PRRC2B: variants seen among roughly 807,000 people sequenced by gnomAD.
PRRC2B encodes protein PRRC2B.
In PRRC2B, 68 loss-of-function variants were observed where a neutral mutation model predicts 242.3. That is an observed-to-expected ratio of 0.28 (90% CI 0.23 to 0.34). PRRC2B has a LOEUF of 0.34. PRRC2B is among the 10% of genes least tolerant of loss of function. The probability of loss-of-function intolerance (pLI) is 1.00; values close to 1 mark genes in which losing one functional copy is unlikely to be tolerated. For missense variants in PRRC2B, 2,835 were observed against 2,954.8 expected (o/e 0.96, Z 0.94); for synonymous variants, 1,228 against 1,173.6 (o/e 1.05, Z -0.95).
At chr9:131,389,915 GTTTTTTTTTTTGT>G (rs1306573730), upstream of PRRC2B, among the ~76,000 whole-genome samples, 11 of 93,446 alleles carry the variant, frequency 1.2e-4, 1 homozygote, top group East Asian at 8.8e-4. Flanking sequence ...GAACATGGTT[GTTTTTTTTTTTGT>G]TTTTTTTTTT....
At chr9:131,397,453 T>G (rs1011557546) in intron 1 of PRRC2B, among the ~76,000 whole-genome samples, 1 of 152,120 alleles carries the variant, frequency 6.6e-6, no homozygotes, top group Non-Finnish European at 1.5e-5. Flanking sequence ...TGTGCTTAGC[T>G]GAGGGATTTT....
chr9:131,485,698 C>G, intron 25 of PRRC2B: 2 of 550,918 alleles, frequency 3.6e-6, no homozygotes, highest in Non-Finnish European at 7.1e-6. Flanking sequence ...ATCCTTCTGA[C>G]CCTCCACTGT....
Position 131,446,481 on chromosome 9 carries a change from A to C in PRRC2B, c.694A>C (p.Ser232Arg). The C allele has an allele frequency of 6.2e-7, 1 of 1,613,928 alleles. No homozygotes were observed. The highest frequency in any genetic ancestry group is 8.5e-7 in the Non-Finnish European group (1 of 1,179,886). ...SLSTSPTELG[S>R]RNSSTGDGAP... is the part of the protein sequence containing the mutation. ...GAGCACCTCCCCAACTGAGCTGGGC[A>C]GCAGGAACTCGAGTACGGGAGATGG... Residue 232 changes from serine (S) to arginine (R), a missense_variant, in exon 7 of 32, where the codon AGC becomes CGC. Ser to Arg is a moderately radical substitution (Grantham distance 110, BLOSUM62 -1). Around this residue, in one of 7 missense-constraint regions of PRRC2B, gnomAD observed 626 missense variants for 685.5 expected, o/e 0.91. Coordinates refer to ENST00000683519, the MANE Select transcript of PRRC2B (RefSeq NM_013318.4). The surrounding 1 kb of genome is among the most constrained non-coding windows in gnomAD (Gnocchi z 4.1).
rs759078561 is a variant in PRRC2B at position 131,485,033 on chromosome 9, C to T, written c.5651C>T (p.Pro1884Leu). 1 of 1,612,512 alleles carries T rather than the reference C, an allele frequency of 6.2e-7. No individual in the cohort carries two copies. Among genetic ancestry groups the T allele is most frequent in the East Asian group, 2.2e-5 (1 of 44,826 alleles). The change falls in exon 25 of 32, where the codon CCT (proline) becomes CTT (leucine). Residue 1884 changes from proline to leucine, a missense_variant. Coordinates refer to ENST00000683519, the MANE Select transcript of PRRC2B (RefSeq NM_013318.4). Reference protein sequence around the residue: ...SPGGAGSGIQPPSSVGASSGV... With the variant: ...SPGGAGSGIQLPSSVGASSGV... ...GGCGGCGCTGGCTCAGGCATCCAGC[C>T]TCCATCCTCTGTGGGTGCCTCCAGC...
At chr9:131,486,307 C>T in intron 26 of PRRC2B, 125 bp downstream of exon 26, 1 of 849,782 alleles carries the variant, frequency 1.2e-6, no homozygotes, top group Middle Eastern at 2.5e-4. Context: ...CATGTGGTGA[C>T]CAGCACCTGG....
At chr9:131,461,108 G>T (rs2966355) in intron 11 of PRRC2B, among the ~76,000 whole-genome samples, 147,633 of 152,284 alleles carry the variant, frequency 0.97, 71,719 homozygotes, top group East Asian at 1. Flanking sequence ...TCTGTGACAG[G>T]GAGAATCTAT....
In PRRC2B at chr9:131,439,148, A is replaced by C. The variant is rs1838472866; in HGVS notation, c.469+87A>C. 6 of 1,139,008 alleles carry C rather than the reference A, an allele frequency of 5.3e-6. No individual in the cohort carries two copies. The South Asian group carries it at 7.9e-5, about 15-fold the overall frequency. The allele number at this position is 1,139,008 out of a possible 1,614,324, so 70.6% of individuals were successfully genotyped here. ...CCAGAATGTCTGGTTGGGTCTAGGCACCCAGAAGCTTTGAGGACTCTCTTC... is the reference window on the plus strand; with the variant it reads ...CCAGAATGTCTGGTTGGGTCTAGGCCCCCAGAAGCTTTGAGGACTCTCTTC... On this transcript the variant is annotated intron_variant, in intron 5 of 31. Transcript: ENST00000683519.
intron 14 of PRRC2B, among the ~76,000 whole-genome samples, chr9:131,472,077 T>C (rs1487484637): frequency 6.6e-6 from 1 of 152,224 alleles, no homozygotes; most frequent in Non-Finnish European, 1.5e-5. Flanking sequence ...TTGTCATTAA[T>C]AGTGCTTTCT....
chr9:131,475,654 A>G lies in PRRC2B; in HGVS notation c.3525A>G (p.Arg1175=). Reference sequence around the variant, plus strand: ...GCACCTTGAAGAAGGGCGACTGCAGAGATTCTTGGCGGTCCAACAAGGGGT... The same window carrying G: ...GCACCTTGAAGAAGGGCGACTGCAGGGATTCTTGGCGGTCCAACAAGGGGT... ...EESTLKKGDC[R]DSWRSNKGCS... Residue 1175 remains arginine (R), a synonymous_variant, in exon 16 of 32, where the codon AGA becomes AGG. Coordinates refer to ENST00000683519, the MANE Select transcript of PRRC2B (RefSeq NM_013318.4). 6.2e-7 allele frequency: 1 copy of G among 1,611,146 alleles called. No homozygotes were observed.
In PRRC2B at chr9:131,455,134, GGAA is replaced by G. The variant is rs763520374; in HGVS notation, c.1184_1186del (p.Glu395del). On this transcript the variant is annotated inframe_deletion, in exon 10 of 32. Coordinates refer to ENST00000683519, the MANE Select transcript of PRRC2B (RefSeq NM_013318.4). ...TGAAGTTCAGTGATGATGAAGAGGA[GGAA>G]GAAGTTGTGAAGGACGGCAGGCCAA... is the stretch of plus-strand genomic sequence containing the variant. 6.2e-6 allele frequency: 10 copies of G among 1,613,722 alleles called. No individual in the cohort carries two copies. In the African/African-American group the frequency reaches 1.2e-4, roughly 19 times the overall value.
intron 5 of PRRC2B, among the ~76,000 whole-genome samples, chr9:131,440,107 A>G (rs925781457): frequency 1.8e-4 from 27 of 152,186 alleles, no homozygotes; most frequent in Admixed American, 9.2e-4. Flanking sequence ...AGATCTCACT[A>G]TGTTGCTCAG....
chr9:131,470,356 A>G (rs551243361), intron 13 of PRRC2B, among the ~76,000 whole-genome samples: 18 of 152,254 alleles, frequency 1.2e-4, no homozygotes, highest in Non-Finnish European at 2.4e-4. Context: ...CTAGTCAAGG[A>G]TGGAAAATGG....
At chr9:131,474,316 G>T in intron 15 of PRRC2B, 138 bp from the exon 16 acceptor site, 4 of 742,116 alleles carry the variant, frequency 5.4e-6, no homozygotes, top group Middle Eastern at 4.0e-4. Context: ...TTTTTGTTTT[G>T]TTTTTCTAGC....
chr9:131,399,513 A>C lies in PRRC2B; in HGVS notation c.-52+5250A>C, dbSNP rs377264827. 2.0e-4 allele frequency among the ~76,000 whole-genome samples: 30 copies of C among 152,130 alleles called. No individual in the cohort carries two copies. The East Asian group carries it at 5.8e-3, about 29-fold the overall frequency. ...AGAATGGCATGAACCCGGGAGGCGGAGTTTGCAGTGAGCCGAGATCACGAC... is the reference window on the plus strand; with the variant it reads ...AGAATGGCATGAACCCGGGAGGCGGCGTTTGCAGTGAGCCGAGATCACGAC... On this transcript the variant is annotated intron_variant, in intron 1 of 31. Coordinates refer to ENST00000683519, the MANE Select transcript of PRRC2B (RefSeq NM_013318.4).
chr9:131,452,872 A>C (rs1195075904), intron 9 of PRRC2B, among the ~76,000 whole-genome samples: 2 of 152,208 alleles, frequency 1.3e-5, no homozygotes. Flanking sequence ...AGAATATTTC[A>C]GGTGCCCTTT....
At position 131,482,437 on chromosome 9, in the gene PRRC2B, G is replaced by C. The variant is rs1429610594; in HGVS notation, c.5050G>C (p.Ala1684Pro). The C allele has an allele frequency of 6.2e-7, 1 of 1,606,394 alleles. No homozygotes were observed. The highest frequency in any genetic ancestry group is 2.2e-5 in the East Asian group (1 of 44,598). Residue 1684 changes from alanine (A) to proline (P), a missense_variant, in exon 21 of 32, where the codon GCG becomes CCG. Ala to Pro is a conservative substitution (Grantham distance 27). This residue lies in a region of PRRC2B where 38 missense variants were observed against 73.3 expected (regional missense o/e 0.52). Coordinates refer to ENST00000683519, the MANE Select transcript of PRRC2B (RefSeq NM_013318.4). This position sits in a 1 kb window ranked among gnomAD's most constrained non-coding sequence, Gnocchi z 5.2. ...DLSAESRESS[A>P]TSSQRSSPYG... ...GAGTGCCGAGTCTCGGGAGTCGTCT[G>C]CGACCTCCTCGCAGCGCAGCTCCCC...
At chr9:131,379,571 A>G (rs1417533817) in intron 1 of PRRC2B, among the ~76,000 whole-genome samples, 5 of 151,156 alleles carry the variant, frequency 3.3e-5, no homozygotes, top group African/African-American at 9.7e-5. Flanking sequence ...TCATGTGCTC[A>G]TCGGCCATGT....
intron 3 of PRRC2B, 140 bp from the exon 4 acceptor site, chr9:131,436,480 A>G (rs1410728230): frequency 5.1e-6 from 3 of 593,284 alleles, no homozygotes; most frequent in Non-Finnish European, 8.8e-6. Context: ...ATAAGAATCT[A>G]CTGGGGAAAG....
chr9:131,485,464 C>G (rs999620128), intron 25 of PRRC2B, among the ~76,000 whole-genome samples: 2 of 152,166 alleles, frequency 1.3e-5, no homozygotes, highest in Non-Finnish European at 2.9e-5. Flanking sequence ...CAGCTCTTGC[C>G]GAGCCACAGT....
Sources: gnomAD v4.1 joint callset for allele counts (sites outside exome capture counted in the v4.1 genomes callset) on GRCh38, gnomAD v4.1.1 for gene constraint, gnomAD v4.1.1 regional missense constraint, Gnocchi (gnomAD v3.1) non-coding constraint, MANE v1.5 for transcripts, NCBI Gene and HGNC (gene_info 2026-07-23, HGNC 2026-07-21) for gene names.